Variants in LIPA observed in about 807,000 individuals in gnomAD.
The protein encoded by LIPA is lysosomal acid lipase/cholesteryl ester hydrolase.
A neutral mutation model predicts 40.6 loss-of-function variants in LIPA; 26 were observed. The observed-to-expected ratio is 0.64, with a 90% CI of 0.47 to 0.89. LIPA has a LOEUF of 0.89. Among genes scored for constraint, LIPA ranks in the 40% least tolerant of loss-of-function variants. The pLI is 0.00. For missense variants in LIPA, 455 were observed against 479.6 expected (o/e 0.95, Z 0.48); for synonymous variants, 188 against 168.4 (o/e 1.12, Z -0.90).
intron 1 of LIPA, among the ~76,000 whole-genome samples, chr10:89,272,517 T>C (rs1482370352): frequency 6.6e-6 from 1 of 152,234 alleles, no homozygotes; most frequent in African/African-American, 2.4e-5. Context: ...TTAGGTTGAT[T>C]CCATGTCTTT....
At chr10:89,384,988 A>C (rs1490737744) in intron 2 of LIPA, 4 of 449,552 alleles carry the variant, frequency 8.9e-6, no homozygotes, top group Non-Finnish European at 1.6e-5. Flanking sequence ...GGAATGGTAA[A>C]GCAATCTTTC....
intron 2 of LIPA, among the ~76,000 whole-genome samples, chr10:89,365,339 T>C (rs755982769): frequency 1.4e-4 from 22 of 152,238 alleles, no homozygotes; most frequent in South Asian, 6.2e-4. Flanking sequence ...TCTTTGTAGA[T>C]TCTGGGTATT....
intron 1 of LIPA, among the ~76,000 whole-genome samples, chr10:89,275,388 G>C (rs1225785685): frequency 6.6e-6 from 1 of 152,172 alleles, no homozygotes; most frequent in African/African-American, 2.4e-5. Context: ...AGGGGTTAGA[G>C]GCAGTGAGAG....
intron 1 of LIPA, among the ~76,000 whole-genome samples, chr10:89,336,940 A>G (rs981980675): frequency 6.6e-6 from 1 of 152,250 alleles, no homozygotes; most frequent in African/African-American, 2.4e-5. Context: ...ACACACTTAG[A>G]GAACTCTTGC....
chr10:89,306,811 C>A, intron 1 of LIPA: 1 of 1,613,974 alleles, frequency 6.2e-7, no homozygotes. Context: ...ACCTGCATTG[C>A]CAAATTGGGT....
At chr10:89,244,451 A>G (rs1030843735) in intron 3 of LIPA, among the ~76,000 whole-genome samples, 3 of 152,210 alleles carry the variant, frequency 2.0e-5, no homozygotes, top group Non-Finnish European at 4.4e-5. Context: ...TTTCCCCAAG[A>G]AAAGTCTCCA....
chr10:89,314,046 G>A (rs2133528148), intron 1 of LIPA, among the ~76,000 whole-genome samples: 1 of 152,082 alleles, frequency 6.6e-6, no homozygotes, highest in East Asian at 1.9e-4. Context: ...TTAAAAATGG[G>A]CACTCTTATT....
At chr10:89,319,277 AT>A (rs1252272544) in intron 1 of LIPA, among the ~76,000 whole-genome samples, 1 of 152,142 alleles carries the variant, frequency 6.6e-6, no homozygotes, top group African/African-American at 2.4e-5. Context: ...CCAGGAACTG[AT>A]TTTTTGAAAG....
intron 2 of LIPA, among the ~76,000 whole-genome samples, chr10:89,410,148 G>A (rs1340820273): frequency 6.6e-6 from 1 of 152,220 alleles, no homozygotes; most frequent in Non-Finnish European, 1.5e-5. Context: ...AAGGGTAGTT[G>A]TGGCAGTGGC....
At chr10:89,289,859 G>A (rs1455949837) in intron 1 of LIPA, among the ~76,000 whole-genome samples, 1 of 151,922 alleles carries the variant, frequency 6.6e-6, no homozygotes, top group African/African-American at 2.4e-5. Flanking sequence ...CCTCTCCCCA[G>A]CTATCTCCAC....
intron 1 of LIPA, chr10:89,306,581 C>G (rs201969228): frequency 4.3e-6 from 7 of 1,614,088 alleles, no homozygotes; most frequent in Non-Finnish European, 5.9e-6. Flanking sequence ...TCCTGACAAC[C>G]AGTACCTTAA....
chr10:89,409,559 G>C (rs185042753), intron 2 of LIPA, among the ~76,000 whole-genome samples: 1 of 152,370 alleles, frequency 6.6e-6, no homozygotes, highest in East Asian at 1.9e-4. Context: ...ACAGGACTGA[G>C]GGTGCCTGGG....
Position 89,228,270 on chromosome 10 carries a change from T to C in LIPA, c.358A>G (p.Ser120Gly). The change falls in exon 4 of 10, where the codon AGC becomes GGC. Residue 120 changes from serine (S) to glycine (G), a missense_variant. Physicochemically the swap from Ser to Gly is moderately conservative, Grantham distance 56. Transcript: ENST00000336233. ...TTCCGAGACCAGGTATTTCCTCTGC[T>C]GTTGCCCATCCACACGTCAAAACCA... Reference protein sequence around the residue: ...DAGFDVWMGNSRGNTWSRKHK... With the variant: ...DAGFDVWMGNGRGNTWSRKHK... The C allele has an allele frequency of 6.2e-7, 1 of 1,614,224 alleles. No individual in the cohort carries two copies. The highest frequency in any genetic ancestry group is 1.1e-5 in the South Asian group (1 of 91,086).
intron 2 of LIPA, chr10:89,362,680 G>T (rs1844030485): frequency 1.2e-5 from 8 of 648,174 alleles, no homozygotes; most frequent in Non-Finnish European, 2.5e-6. Flanking sequence ...GAGAACATTT[G>T]CAAGAAGTTT....
intron 1 of LIPA, among the ~76,000 whole-genome samples, chr10:89,413,090 A>C (rs991652665): frequency 6.6e-6 from 1 of 152,170 alleles, no homozygotes; most frequent in Non-Finnish European, 1.5e-5. Flanking sequence ...CCCACTTACA[A>C]GTGAGAACAT....
chr10:89,278,479 C>G (rs1843300082), intron 1 of LIPA: 1 of 152,178 alleles, frequency 6.6e-6, no homozygotes, highest in Non-Finnish European at 1.5e-5. Flanking sequence ...CTTGGTTTAG[C>G]TGATTTAATC....
At chr10:89,279,895 C>G (rs920849824) in intron 1 of LIPA, among the ~76,000 whole-genome samples, 2 of 152,088 alleles carry the variant, frequency 1.3e-5, no homozygotes, top group Non-Finnish European at 2.9e-5. Context: ...CCTGGAAATT[C>G]TAATTTCCGG....
intron 1 of LIPA, among the ~76,000 whole-genome samples, chr10:89,257,838 C>A (rs1436565754): frequency 1.3e-5 from 2 of 152,168 alleles, no homozygotes; most frequent in Non-Finnish European, 2.9e-5. Flanking sequence ...GAGGCTGTGG[C>A]GAGCTGCAGA....
chr10:89,368,970 T>G (rs1480589505), intron 2 of LIPA, among the ~76,000 whole-genome samples: 1 of 151,318 alleles, frequency 6.6e-6, no homozygotes, highest in African/African-American at 2.4e-5. Flanking sequence ...TTAGAAGGCA[T>G]CCGAATCTGC....
Sources: allele counts gnomAD v4.1 joint callset (sites outside exome capture counted in the v4.1 genomes callset), GRCh38; gene constraint gnomAD v4.1.1; transcripts MANE v1.5; gene names NCBI Gene and HGNC (gene_info 2026-07-23, HGNC 2026-07-21).